STAG1: variants seen among roughly 807,000 people sequenced by gnomAD.
The protein encoded by STAG1 is STAG1 cohesin complex component.
STAG1 carries 26 observed loss-of-function variants against 170.9 expected under a neutral mutation model. That is an observed-to-expected ratio of 0.15 (90% CI 0.11 to 0.21). STAG1 has a LOEUF of 0.21. Ranked by LOEUF, STAG1 falls within the 10% of genes least tolerant of loss-of-function variation. The pLI is 1.00. For missense variants in STAG1, 964 were observed against 1,509.5 expected (o/e 0.64, Z 5.99); for synonymous variants, 514 against 497.7 (o/e 1.03, Z -0.44).
At chr3:136,666,994 G>C (rs543525064) in intron 1 of STAG1, among the ~76,000 whole-genome samples, 37 of 152,152 alleles carry the variant, frequency 2.4e-4, no homozygotes, top group Middle Eastern at 3.4e-3. Flanking sequence ...CACCTATATA[G>C]TTTCAACCAA....
chr3:136,377,791 G>C, intron 22 of STAG1, 39 bp from the exon 23 acceptor site: 1 of 1,544,938 alleles, frequency 6.5e-7, no homozygotes. Context: ...TGAATTACAG[G>C]ATCACAGAAA....
At chr3:136,372,362 C>T (rs1020881206) in intron 23 of STAG1, among the ~76,000 whole-genome samples, 2 of 152,166 alleles carry the variant, frequency 1.3e-5, no homozygotes, top group Admixed American at 6.5e-5. Context: ...CCTGACTGCC[C>T]GGACCAGAAC....
rs571524529 is a variant in STAG1, at chr3:136,413,520, G to A, written c.2196+4365C>T. On this transcript the variant is annotated intron_variant, in intron 21 of 33. Transcript: ENST00000383202. ...GTTGCCCAGGCTGGAGTGCAATGGC[G>A]TGATCTTGGCTCACCGCAACCTCTG... 4.0e-5 allele frequency among the ~76,000 whole-genome samples: 6 copies of A among 151,814 alleles called. No homozygotes were observed. In the South Asian group the frequency reaches 6.2e-4, roughly 16 times the overall value.
intron 1 of STAG1, among the ~76,000 whole-genome samples, chr3:136,652,497 A>G (rs1941251200): frequency 6.6e-6 from 1 of 152,216 alleles, no homozygotes; most frequent in Non-Finnish European, 1.5e-5. Flanking sequence ...AGTTCAGAAC[A>G]CTACAAAGAC....
chr3:136,618,343 A>T (rs148778342), intron 3 of STAG1, among the ~76,000 whole-genome samples: 95 of 152,234 alleles, frequency 6.2e-4, no homozygotes, highest in African/African-American at 2.2e-3. Flanking sequence ...AGGGATAAGA[A>T]CCCCTTCCCC....
intron 16 of STAG1, among the ~76,000 whole-genome samples, chr3:136,425,749 T>C (rs1012822583): frequency 6.7e-6 from 1 of 149,534 alleles, no homozygotes; most frequent in Non-Finnish European, 1.5e-5. Context: ...TACATATACA[T>C]ATATATCTAT....
chr3:136,403,253 AGAAAAGAAAAG>A (rs2087387814), intron 21 of STAG1, among the ~76,000 whole-genome samples: 1 of 116,348 alleles, frequency 8.6e-6, no homozygotes, highest in African/African-American at 2.9e-5. Context: ...AAAAAAAAAA[AGAAAAGAAAAG>A]AAAAAAAAAA....
chr3:136,672,956 T>A (rs906578785), intron 1 of STAG1, among the ~76,000 whole-genome samples: 3 of 152,154 alleles, frequency 2.0e-5, no homozygotes, highest in Non-Finnish European at 2.9e-5. Context: ...AACAGGTGAC[T>A]CCCAAAGCAA....
At chr3:136,605,869 C>T (rs1369174240) in intron 3 of STAG1, among the ~76,000 whole-genome samples, 1 of 152,146 alleles carries the variant, frequency 6.6e-6, no homozygotes, top group Non-Finnish European at 1.5e-5. Context: ...CTTGGAGGGG[C>T]TTCTTTTCCT....
At chr3:136,574,165 C>T (rs989061644) in intron 4 of STAG1, among the ~76,000 whole-genome samples, 1 of 151,676 alleles carries the variant, frequency 6.6e-6, no homozygotes, top group East Asian at 1.9e-4. Context: ...TGGTTGAACC[C>T]GGGAGGTGGA....
chr3:136,615,424 CAAAAAAAAAAAAAAAAA>C (rs35713077), intron 3 of STAG1, among the ~76,000 whole-genome samples: 1,046 of 33,336 alleles, frequency 0.031, 30 homozygotes, highest in African/African-American at 0.1. Context: ...AGACTTTGTC[CAAAAAAAAAAAAAAAAA>C]AAAAAAAAAA....
At chr3:136,587,533 C>T (rs1214093244) in intron 4 of STAG1, among the ~76,000 whole-genome samples, 5 of 132,222 alleles carry the variant, frequency 3.8e-5, no homozygotes, top group African/African-American at 1.4e-4. Flanking sequence ...AAGAATGAAA[C>T]TCCATCTCAA....
intron 4 of STAG1, among the ~76,000 whole-genome samples, chr3:136,581,400 G>A (rs1002223196): frequency 6.6e-6 from 1 of 151,996 alleles, no homozygotes; most frequent in African/African-American, 2.4e-5. Flanking sequence ...TTTTGCTGTT[G>A]CAATACATAT....
intron 5 of STAG1, among the ~76,000 whole-genome samples, chr3:136,560,330 T>C (rs529589629): frequency 2.0e-5 from 3 of 152,296 alleles, no homozygotes; most frequent in South Asian, 2.1e-4. Context: ...AAAAACCATA[T>C]ATTTCTGAAA....
intron 4 of STAG1, among the ~76,000 whole-genome samples, chr3:136,591,888 A>G (rs1415522071): frequency 6.6e-6 from 1 of 152,212 alleles, no homozygotes; most frequent in Non-Finnish European, 1.5e-5. Context: ...ACATCATTCA[A>G]TGGAGACCTC....
In STAG1 at chr3:136,734,108, CA is replaced by C. The variant is rs11456348; in HGVS notation, c.-84+18086del. Among the ~76,000 whole-genome samples, 206 of 101,794 alleles carry C rather than the reference CA, an allele frequency of 2.0e-3. 1 individual carries two copies. The highest frequency in any genetic ancestry group is 3.0e-3 in the African/African-American group (99 of 33,044). 66.8% of individuals were successfully genotyped at this position (101,794 alleles called of 152,430 possible). ...GGAGACAGTGCGAGAGACTCCATCT[CA>C]AAAAAAAAAAAAAACAAAACAAAAC... On this transcript the variant is annotated intron_variant, in intron 1 of 33. Transcript: ENST00000383202.
chr3:136,378,825 C>T (rs543634069), intron 22 of STAG1, among the ~76,000 whole-genome samples: 1 of 152,292 alleles, frequency 6.6e-6, no homozygotes, highest in Non-Finnish European at 1.5e-5. Flanking sequence ...ATATTCTTCT[C>T]ACTGACTAAT....
At chr3:136,424,889 G>C (rs1362775755) in intron 16 of STAG1, among the ~76,000 whole-genome samples, 2 of 152,054 alleles carry the variant, frequency 1.3e-5, no homozygotes, top group Non-Finnish European at 1.5e-5. Context: ...CGCCAGGCTA[G>C]AGTGCAGTGG....
intron 15 of STAG1, among the ~76,000 whole-genome samples, chr3:136,437,283 T>C (rs151185368): frequency 5.3e-5 from 8 of 152,342 alleles, no homozygotes; most frequent in Non-Finnish European, 1.0e-4. Flanking sequence ...GCCATCCACT[T>C]AGAAACTTAC....
Sources: gnomAD v4.1 joint callset for allele counts (sites outside exome capture counted in the v4.1 genomes callset) on GRCh38, gnomAD v4.1.1 for gene constraint, MANE v1.5 for transcripts, NCBI Gene and HGNC (gene_info 2026-07-23, HGNC 2026-07-21) for gene names.